PRKCA: variants seen among roughly 807,000 people sequenced by gnomAD.
PRKCA encodes protein kinase C alpha, also known as protein kinase C alpha type.
In PRKCA, 27 loss-of-function variants were observed where a neutral mutation model predicts 87.0. The observed-to-expected ratio is 0.31, with a 90% confidence interval of 0.23 to 0.43. The LOEUF (loss-of-function observed/expected upper bound fraction) is 0.43, where lower values mean the gene tolerates loss of function less well. Among genes scored for constraint, PRKCA ranks in the 20% least tolerant of loss-of-function variants. The pLI is 1.00. For synonymous variants in PRKCA, 329 were observed against 311.1 expected (o/e 1.06, Z -0.61); for missense variants, 518 against 852.3 (o/e 0.61, Z 4.88).
chr17:66,645,379 A>G lies in PRKCA; in HGVS notation c.401-4A>G. 3.1e-6 allele frequency: 5 copies of G among 1,614,110 alleles called. No homozygotes were observed. The highest frequency in any genetic ancestry group is 4.2e-6 in the Non-Finnish European group (5 of 1,180,014). ...AGCTCACCCTCTCCTTTCTTGATTC[A>G]CAGCCTGCGATATGAACGTTCACAA... On this transcript the variant is annotated splice_polypyrimidine_tract_variant and splice_region_variant and intron_variant, in intron 4 of 16. Coordinates refer to ENST00000413366, the MANE Select transcript of PRKCA (RefSeq NM_002737.3).
At chr17:66,707,200 T>G (rs903496110) in intron 8 of PRKCA, among the ~76,000 whole-genome samples, 1 of 152,176 alleles carries the variant, frequency 6.6e-6, no homozygotes, top group Non-Finnish European at 1.5e-5. Context: ...AGTCCTAGGC[T>G]TTTCAAATCC....
chr17:66,626,796 C>G (rs1377028410), intron 3 of PRKCA, among the ~76,000 whole-genome samples: 1 of 152,146 alleles, frequency 6.6e-6, no homozygotes, highest in African/African-American at 2.4e-5. Flanking sequence ...CATGAGCCAT[C>G]GCGCCCTGCC....
At chr17:66,551,773 A>ATT (rs1219681866) in intron 3 of PRKCA, among the ~76,000 whole-genome samples, 4 of 150,784 alleles carry the variant, frequency 2.7e-5, no homozygotes, top group Admixed American at 2.0e-4. Context: ...GAGAATCCTA[A>ATT]TTTATATATA....
At chr17:66,323,936 G>A (rs1355138299) in intron 2 of PRKCA, among the ~76,000 whole-genome samples, 1 of 151,732 alleles carries the variant, frequency 6.6e-6, no homozygotes, top group Non-Finnish European at 1.5e-5. Context: ...GCAAGATTCT[G>A]ACTCAAAAAA....
chr17:66,515,041 G>A (rs1171499808), intron 3 of PRKCA, among the ~76,000 whole-genome samples: 2 of 151,982 alleles, frequency 1.3e-5, no homozygotes, highest in African/African-American at 4.8e-5. Context: ...GGATCACTAG[G>A]TCAGGAGATC....
At position 66,412,267 on chromosome 17, in the gene PRKCA, G is replaced by C. The variant is rs973684294; in HGVS notation, c.206-83934G>C. ...AGACAGTGTTTCTCCATATTGGCCA[G>C]GCTGGTTTCGAACTCCTGAGCTCAA... On this transcript the variant is annotated intron_variant, in intron 2 of 16. Coordinates refer to ENST00000413366, the MANE Select transcript of PRKCA (RefSeq NM_002737.3). 5.3e-5 allele frequency among the ~76,000 whole-genome samples: 8 copies of C among 152,046 alleles called. 1 individual carries two copies. The highest frequency in any genetic ancestry group is 5.2e-4 in the Admixed American group (8 of 15,250).
intron 3 of PRKCA, among the ~76,000 whole-genome samples, chr17:66,564,096 C>T (rs955558408): frequency 2.0e-5 from 3 of 150,486 alleles, no homozygotes; most frequent in African/African-American, 4.9e-5. Context: ...TTCTTTCTTT[C>T]GAGACAGAGT....
intron 2 of PRKCA, among the ~76,000 whole-genome samples, chr17:66,407,498 G>C (rs1027469557): frequency 6.6e-6 from 1 of 152,136 alleles, no homozygotes; most frequent in Non-Finnish European, 1.5e-5. Context: ...CTGCAGTACC[G>C]TGAGCCAGTT....
chr17:66,640,898 C>T (rs1055169564), intron 3 of PRKCA: 9 of 421,066 alleles, frequency 2.1e-5, no homozygotes, highest in East Asian at 8.3e-5. Context: ...TGGTGGTTCA[C>T]GCCTGTAATC....
At chr17:66,678,289 A>G (rs1972390430) in intron 5 of PRKCA, among the ~76,000 whole-genome samples, 1 of 152,232 alleles carries the variant, frequency 6.6e-6, no homozygotes, top group African/African-American at 2.4e-5. Context: ...CAGAAGGAAC[A>G]TGGCCCTGCA....
At chr17:66,358,734 T>C (rs1401870323) in intron 2 of PRKCA, among the ~76,000 whole-genome samples, 1 of 152,140 alleles carries the variant, frequency 6.6e-6, no homozygotes, top group East Asian at 1.9e-4. Context: ...ACATTTGCTC[T>C]GCTGAAATGA....
At chr17:66,531,680 C>T (rs1469701936) in intron 3 of PRKCA, among the ~76,000 whole-genome samples, 1 of 152,178 alleles carries the variant, frequency 6.6e-6, no homozygotes, top group African/African-American at 2.4e-5. Context: ...ACTGCTGTCT[C>T]CCTTCAAGGG....
chr17:66,450,970 G>A (rs571079545), intron 2 of PRKCA, among the ~76,000 whole-genome samples: 71 of 152,354 alleles, frequency 4.7e-4, no homozygotes, highest in African/African-American at 1.7e-3. Context: ...AACATGACCT[G>A]CTCTGTGGGT....
rs1912268180 is a variant in PRKCA at position 66,418,166 on chromosome 17, G to T, written c.206-78035G>T. On this transcript the variant is annotated intron_variant, in intron 2 of 16. Coordinates refer to ENST00000413366, the MANE Select transcript of PRKCA (RefSeq NM_002737.3). Reference sequence around the variant, plus strand: ...GGACAGTTCTTGCTGAAAAAGATGGGAATGGCTTGCAGATGTCTGTGGATT... The same window carrying T: ...GGACAGTTCTTGCTGAAAAAGATGGTAATGGCTTGCAGATGTCTGTGGATT... Among the ~76,000 whole-genome samples, 13 of 152,248 alleles carry T rather than the reference G, an allele frequency of 8.5e-5. No homozygotes were observed. The South Asian group carries it at 2.7e-3, about 32-fold the overall frequency.
chr17:66,701,712 G>A (rs1285158491), intron 8 of PRKCA, among the ~76,000 whole-genome samples: 2 of 152,074 alleles, frequency 1.3e-5, no homozygotes, highest in African/African-American at 2.4e-5. Context: ...TAAAGGAAAA[G>A]GTGCTTAATG....
Position 66,688,311 on chromosome 17 carries a change from A to G in PRKCA, c.696A>G (p.Lys232=). ...QWNESFTFKL[K]PSDKDRRLSV... is the part of the protein sequence containing the mutation. ...TGTGTGTGTCTTGTAGCAAATTGAA[A>G]CCTTCAGACAAAGACCGACGACTGT... The change falls in exon 7 of 17, where the codon AAA becomes AAG. Residue 232 remains lysine (K), a synonymous_variant. Transcript: ENST00000413366. 6.2e-7 allele frequency: 1 copy of G among 1,614,066 alleles called. No homozygotes were observed.
At chr17:66,482,118 G>GA (rs1161026388) in intron 2 of PRKCA, among the ~76,000 whole-genome samples, 18 of 114,572 alleles carry the variant, frequency 1.6e-4, no homozygotes, top group African/African-American at 5.4e-4. Context: ...AAAAAAAAAA[G>GA]AAAAAAAGAA....
chr17:66,315,693 C>T (rs918164926), intron 2 of PRKCA, among the ~76,000 whole-genome samples: 41 of 152,068 alleles, frequency 2.7e-4, no homozygotes, highest in African/African-American at 8.9e-4. Context: ...TTGGCCAGGC[C>T]GGTGTTGAAC....
intron 2 of PRKCA, among the ~76,000 whole-genome samples, chr17:66,319,127 C>T: frequency 6.6e-6 from 1 of 151,980 alleles, no homozygotes; most frequent in Non-Finnish European, 1.5e-5. Context: ...GACCCTGTCC[C>T]CTCCACCCCC....
Sources: gnomAD v4.1 joint callset for allele counts (sites outside exome capture counted in the v4.1 genomes callset) on GRCh38, gnomAD v4.1.1 for gene constraint, MANE v1.5 for transcripts, NCBI Gene and HGNC (gene_info 2026-07-23, HGNC 2026-07-21) for gene names.